PWWP2A: variants seen among roughly 807,000 people sequenced by gnomAD.
PWWP2A encodes PWWP domain-containing protein 2A.
PWWP2A carries 18 observed loss-of-function variants against 48.5 expected under a neutral mutation model. The observed-to-expected ratio is 0.37, with a 90% confidence interval of 0.26 to 0.55. PWWP2A has a LOEUF of 0.55. Among genes scored for constraint, PWWP2A ranks in the 20% least tolerant of loss-of-function variants. The pLI is 0.81. For synonymous variants in PWWP2A, 396 were observed against 387.7 expected (o/e 1.02, Z -0.25); for missense variants, 867 against 976.4 (o/e 0.89, Z 1.49).
intron 1 of PWWP2A, among the ~76,000 whole-genome samples, chr5:160,114,474 A>G (rs1757901806): frequency 6.7e-6 from 1 of 150,180 alleles, no homozygotes; most frequent in African/African-American, 2.5e-5. Flanking sequence ...AAAGAAAAAG[A>G]GTTCAGGCCA....
At chr5:160,103,023 C>T (rs1251488949) in intron 1 of PWWP2A, among the ~76,000 whole-genome samples, 2 of 152,126 alleles carry the variant, frequency 1.3e-5, no homozygotes, top group Non-Finnish European at 2.9e-5. Flanking sequence ...TATACTGTGG[C>T]TATAGTTTTC....
the PWWP2A span, among the ~76,000 whole-genome samples, chr5:160,052,835 T>C: frequency 7.2e-5 from 11 of 152,238 alleles, no homozygotes; most frequent in Admixed American, 2.6e-4. Context: ...TTCTCTTCAT[T>C]TGAAAAAATT....
intron 1 of PWWP2A, among the ~76,000 whole-genome samples, chr5:160,106,423 C>A (rs1273825237): frequency 1.3e-5 from 2 of 151,978 alleles, no homozygotes; most frequent in South Asian, 2.1e-4. Context: ...GGACTTAGCA[C>A]AGAAATTGAA....
At chr5:160,089,653 C>CT (rs554787351), downstream of PWWP2A, 520 of 1,286,070 alleles carry the variant, frequency 4.0e-4, no homozygotes, top group Non-Finnish European at 4.5e-4. Context: ...CTTTACATTT[C>CT]TGAGAATTTC....
chr5:160,082,778 G>T (rs1378089708), intron 2 of PWWP2A, among the ~76,000 whole-genome samples: 1 of 152,158 alleles, frequency 6.6e-6, no homozygotes, highest in Non-Finnish European at 1.5e-5. Flanking sequence ...GAAGAGCCAG[G>T]AGACCCAGCT....
the PWWP2A span, chr5:160,049,610 A>C: frequency 6.2e-7 from 1 of 1,609,406 alleles, no homozygotes; most frequent in African/African-American, 1.3e-5. Flanking sequence ...GAAGACTATA[A>C]ATCTATATTA....
At chr5:160,084,130 G>A (rs545458508) in intron 2 of PWWP2A, among the ~76,000 whole-genome samples, 33 of 152,348 alleles carry the variant, frequency 2.2e-4, no homozygotes, top group African/African-American at 7.5e-4. Context: ...TGCAGTGGTA[G>A]TAATGATGGC....
chr5:160,045,424 G>A, the PWWP2A span, among the ~76,000 whole-genome samples: 3 of 141,980 alleles, frequency 2.1e-5, no homozygotes, highest in Admixed American at 1.4e-4. Flanking sequence ...TGGTTTGTTT[G>A]TATTGAGAGC....
intron 1 of PWWP2A, among the ~76,000 whole-genome samples, chr5:160,105,239 CAAAA>C (rs70990704): frequency 3.9e-3 from 191 of 48,964 alleles, no homozygotes; most frequent in African/African-American, 0.016. Flanking sequence ...GTCTCTAAGG[CAAAA>C]AAAAAAAAAA....
the PWWP2A span, among the ~76,000 whole-genome samples, chr5:160,053,550 T>C: frequency 6.6e-6 from 1 of 152,182 alleles, no homozygotes; most frequent in East Asian, 1.9e-4. Context: ...GGTGACAGAG[T>C]GAGACCTTGT....
exon 4 of PWWP2A, chr5:160,076,383 GT>G (rs1753888418): frequency 1.3e-5 from 2 of 152,172 alleles, no homozygotes; most frequent in African/African-American, 4.8e-5. Flanking sequence ...TACTGCTGGT[GT>G]TATGTATCTG....
rs113550595 is a variant in PWWP2A, at chr5:160,116,598, T to G, written c.584+2207A>C. On this transcript the variant is annotated intron_variant, in intron 1 of 1. Transcript: ENST00000307063. The stretch of plus-strand genomic sequence containing the variant: ...AGCACTGATAGCATGAGACCAAAAC[T>G]CAATAGCAATTCTCCACTAAAGAAA... 2.3e-3 allele frequency: 2,102 copies of G among 896,960 alleles called. 42 individuals carry two copies. In the African/African-American group the frequency reaches 0.035, roughly 15 times the overall value. 55.6% of individuals were successfully genotyped at this position (896,960 alleles called of 1,614,324 possible).
At chr5:160,055,089 G>C in the PWWP2A span, among the ~76,000 whole-genome samples, 1 of 152,122 alleles carries the variant, frequency 6.6e-6, no homozygotes, top group East Asian at 1.9e-4. Flanking sequence ...GAGGGCAAGA[G>C]GTTTGTACTG....
At chr5:160,118,680 C>T in intron 1 of PWWP2A, 125 bp downstream of exon 1, 1 of 997,912 alleles carries the variant, frequency 1.0e-6, no homozygotes, top group Non-Finnish European at 1.3e-6. Context: ...CCACGCGCCG[C>T]GCAGGACCAG....
At chr5:160,045,520 A>ACACACACTCTCT in the PWWP2A span, among the ~76,000 whole-genome samples, 2 of 54,904 alleles carry the variant, frequency 3.6e-5, no homozygotes, top group East Asian at 6.3e-4. Context: ...ACACATACAC[A>ACACACACTCTCT]CTCTCTCTCT....
At chr5:160,056,174 A>C in the PWWP2A span, among the ~76,000 whole-genome samples, 1 of 152,164 alleles carries the variant, frequency 6.6e-6, no homozygotes, top group Non-Finnish European at 1.5e-5. Context: ...AAACCATAAC[A>C]CAAAGACAGG....
downstream of PWWP2A, chr5:160,089,638 T>C: frequency 7.8e-7 from 1 of 1,287,982 alleles, no homozygotes. Flanking sequence ...AAAAATACTC[T>C]GATGCTTTAC....
chr5:160,049,347 T>C, the PWWP2A span, among the ~76,000 whole-genome samples: 1 of 152,210 alleles, frequency 6.6e-6, no homozygotes, highest in African/African-American at 2.4e-5. Flanking sequence ...CTACAATCTT[T>C]ACTATCTTGC....
chr5:160,072,532 A>G (rs1753762733), downstream of PWWP2A, among the ~76,000 whole-genome samples: 2 of 152,052 alleles, frequency 1.3e-5, no homozygotes, highest in South Asian at 2.1e-4. Context: ...GTTTAGAACT[A>G]CCTGGATAAC....
Sources: gnomAD v4.1 joint callset for allele counts (sites outside exome capture counted in the v4.1 genomes callset) on GRCh38, gnomAD v4.1.1 for gene constraint, MANE v1.5 for transcripts, NCBI Gene and HGNC (gene_info 2026-07-23, HGNC 2026-07-21) for gene names.